NEMP2: variants seen among roughly 807,000 people sequenced by gnomAD.
NEMP2 encodes the protein UPF0571 transmembrane protein.
NEMP2 carries 53 observed loss-of-function variants against 54.2 expected under a neutral mutation model. The observed-to-expected ratio is 0.98, with a 90% CI of 0.78 to 1.23. NEMP2 has a LOEUF of 1.23. Among genes scored for constraint, NEMP2 ranks in the 50% most tolerant of loss-of-function variants. The pLI, the probability that NEMP2 is intolerant of heterozygous loss-of-function variation, is 0.00. For missense variants in NEMP2, 455 were observed against 511.3 expected, an observed-to-expected ratio of 0.89 and a Z score of 1.06; for synonymous variants, 197 against 190.3, an observed-to-expected ratio of 1.04 and a Z score of -0.29.
chr2:190,576,075 C>G, the NEMP2 span, among the ~76,000 whole-genome samples: 2 of 151,506 alleles, frequency 1.3e-5, no homozygotes, highest in African/African-American at 4.9e-5. Flanking sequence ...CTCAAGTGAT[C>G]TTAATACTTC....
the NEMP2 span, among the ~76,000 whole-genome samples, chr2:190,441,547 A>G: frequency 6.6e-6 from 1 of 152,048 alleles, no homozygotes; most frequent in Admixed American, 6.5e-5. Flanking sequence ...ATGTTTGTGT[A>G]AGATTTGGAG....
chr2:190,454,901 T>G, the NEMP2 span, among the ~76,000 whole-genome samples: 2 of 151,070 alleles, frequency 1.3e-5, no homozygotes, highest in Non-Finnish European at 2.9e-5. This position sits in a 1 kb window ranked among gnomAD's most constrained non-coding sequence, Gnocchi z 4.6. Context: ...AAACTTGTAT[T>G]TTTCTGTATG....
At position 190,520,397 on chromosome 2, in the gene NEMP2, T is replaced by C. The variant is rs1024462898; in HGVS notation, c.214-1214A>G. Among the ~76,000 whole-genome samples the C allele has an allele frequency of 1.3e-5, 2 of 152,218 alleles. No homozygotes were observed. The highest frequency in any genetic ancestry group is 4.8e-5 in the African/African-American group (2 of 41,448). On this transcript the variant is annotated intron_variant, in intron 2 of 8. Coordinates refer to ENST00000409150, the MANE Select transcript of NEMP2 (RefSeq NM_001142645.2). This position sits in a 1 kb window ranked among gnomAD's most constrained non-coding sequence, Gnocchi z 5.4. Reference sequence around the variant, plus strand: ...ACCCAGTGGTCATTAAATGACAATTTTGCTGCTGCCTTTGTCTGTCCTTTT... The same window carrying C: ...ACCCAGTGGTCATTAAATGACAATTCTGCTGCTGCCTTTGTCTGTCCTTTT...
At chr2:190,476,272 C>T in the NEMP2 span, among the ~76,000 whole-genome samples, 1 of 152,074 alleles carries the variant, frequency 6.6e-6, no homozygotes, top group Non-Finnish European at 1.5e-5. Flanking sequence ...GAACAGGCAA[C>T]CTACAGAATG....
chr2:190,498,210 T>C, the NEMP2 span, among the ~76,000 whole-genome samples: 1 of 152,210 alleles, frequency 6.6e-6, no homozygotes, highest in African/African-American at 2.4e-5. This position sits in a 1 kb window ranked among gnomAD's most constrained non-coding sequence, Gnocchi z 5.9. Flanking sequence ...GTGATTTTTC[T>C]TGTCCCCAGA....
rs1199273600 is a variant in NEMP2, at chr2:190,525,749, C to G, written c.98-371G>C. On this transcript the variant is annotated intron_variant, in intron 1 of 8. Coordinates refer to ENST00000409150, the MANE Select transcript of NEMP2 (RefSeq NM_001142645.2). The surrounding 1 kb of genome is among the most constrained non-coding windows in gnomAD (Gnocchi z 5.0). ...ACTAGGAGGTGGGAGTGGGGGTGGG[C>G]AGAACCAGCAAGTATGTACAGAATC... is the stretch of plus-strand genomic sequence containing the variant. Among the ~76,000 whole-genome samples the G allele has an allele frequency of 2.0e-5, 3 of 151,896 alleles. No homozygotes were observed. Among genetic ancestry groups the G allele is most frequent in the African/African-American group, 7.3e-5 (3 of 41,336 alleles).
At chr2:190,584,949 AAGAAAGAAAGAAAG>A in the NEMP2 span, among the ~76,000 whole-genome samples, 200 of 118,018 alleles carry the variant, frequency 1.7e-3, 1 homozygote, top group African/African-American at 5.4e-3. The surrounding 1 kb of genome is among the most constrained non-coding windows in gnomAD (Gnocchi z 4.2). Flanking sequence ...GAAAGAAAGA[AAGAAAGAAAGAAAG>A]AGACATAATG....
At chr2:190,622,474 A>C in the NEMP2 span, among the ~76,000 whole-genome samples, 1 of 152,166 alleles carries the variant, frequency 6.6e-6, no homozygotes, top group East Asian at 1.9e-4. Context: ...ATGCAAAAGA[A>C]AGAAGTTGGA....
At position 190,533,453 on chromosome 2, in the gene NEMP2, G is replaced by T. The variant is rs1055204379; in HGVS notation, c.97+1106C>A. Among the ~76,000 whole-genome samples the T allele has an allele frequency of 1.3e-5, 2 of 152,190 alleles. No homozygotes were observed. Among genetic ancestry groups the T allele is most frequent in the African/African-American group, 4.8e-5 (2 of 41,428 alleles). On this transcript the variant is annotated intron_variant, in intron 1 of 8. Coordinates refer to ENST00000409150, the MANE Select transcript of NEMP2 (RefSeq NM_001142645.2). This position sits in a 1 kb window ranked among gnomAD's most constrained non-coding sequence, Gnocchi z 4.3. Reference sequence around the variant, plus strand: ...AAATATGATAGATACTGCAGTTAAAGCACTTATAACACTGCCTAGCACATA... The same window carrying T: ...AAATATGATAGATACTGCAGTTAAATCACTTATAACACTGCCTAGCACATA...
chr2:190,479,798 C>A, the NEMP2 span, among the ~76,000 whole-genome samples: 39 of 152,224 alleles, frequency 2.6e-4, no homozygotes, highest in African/African-American at 8.9e-4. Context: ...AGGTCTGGGT[C>A]AGCTCTCTCT....
At chr2:190,477,378 T>TTATTCTGTAGGTATATATTC in the NEMP2 span, 1 of 979,086 alleles carries the variant, frequency 1.0e-6, no homozygotes, top group Non-Finnish European at 1.2e-6. Context: ...AAATAAAGAT[T>TTATTCTGTAGGTATATATTC]TGTATACCTA....
At chr2:190,534,494 A>C in intron 1 of NEMP2, 65 bp downstream of exon 1, 2 of 1,314,594 alleles carry the variant, frequency 1.5e-6, no homozygotes, top group Non-Finnish European at 1.9e-6. Context: ...GCGCGCCCTC[A>C]GGGCAGCCGC....
At chr2:190,464,935 A>G in the NEMP2 span, 2 of 982,872 alleles carry the variant, frequency 2.0e-6, no homozygotes, top group Middle Eastern at 1.0e-3. Context: ...GGATTTAGCC[A>G]TATTATAGTT....
the NEMP2 span, among the ~76,000 whole-genome samples, chr2:190,490,662 A>T: frequency 2.0e-5 from 3 of 152,190 alleles, no homozygotes; most frequent in African/African-American, 7.2e-5. This position sits in a 1 kb window ranked among gnomAD's most constrained non-coding sequence, Gnocchi z 4.5. Flanking sequence ...TACCAAAAGG[A>T]GGTTATATCA....
chr2:190,435,798 T>C, the NEMP2 span: 10 of 527,526 alleles, frequency 1.9e-5, no homozygotes, highest in African/African-American at 1.7e-4. Flanking sequence ...GAGTATTCGA[T>C]TTTTTTAAAA....
chr2:190,613,630 C>G, the NEMP2 span, among the ~76,000 whole-genome samples: 1 of 152,118 alleles, frequency 6.6e-6, no homozygotes, highest in Admixed American at 6.6e-5. Context: ...CTCTGTCACC[C>G]AGGCTGGAGT....
the NEMP2 span, chr2:190,489,975 G>A: frequency 4.0e-5 from 35 of 879,824 alleles, no homozygotes; most frequent in Non-Finnish European, 5.6e-5. This position sits in a 1 kb window ranked among gnomAD's most constrained non-coding sequence, Gnocchi z 6.6. Context: ...AGGTCTGTTT[G>A]GCTCAATTTT....
At chr2:190,455,053 T>C in the NEMP2 span, among the ~76,000 whole-genome samples, 6 of 151,696 alleles carry the variant, frequency 4.0e-5, no homozygotes, top group East Asian at 1.2e-3. Context: ...CATGCAAGCC[T>C]GGAAAGGAAC....
At chr2:190,575,106 C>A in the NEMP2 span, among the ~76,000 whole-genome samples, 1 of 151,968 alleles carries the variant, frequency 6.6e-6, no homozygotes, top group Non-Finnish European at 1.5e-5. Context: ...CTGCCCGCCT[C>A]GCCCTCCCAA....
Sources: allele counts gnomAD v4.1 joint callset (sites outside exome capture counted in the v4.1 genomes callset), GRCh38; gene constraint gnomAD v4.1.1; non-coding constraint Gnocchi (gnomAD v3.1); transcripts MANE v1.5; gene names NCBI Gene and HGNC (gene_info 2026-07-23, HGNC 2026-07-21).